RPS7: variants seen among roughly 807,000 people sequenced by gnomAD.
RPS7 encodes the protein ribosomal protein S7.
In RPS7, 1 loss-of-function variant was observed where a neutral mutation model predicts 22.1. The ratio of observed to expected loss-of-function variants is 0.05; its 90% CI spans 0.02 to 0.21. The LOEUF is 0.21. Among genes scored for constraint, RPS7 ranks in the 10% least tolerant of loss-of-function variants. The pLI, the probability that RPS7 is intolerant of heterozygous loss-of-function variation, is 1.00. For missense variants in RPS7, 137 were observed against 246.4 expected (o/e 0.56, Z 2.97); for synonymous variants, 80 against 92.0 (o/e 0.87, Z 0.74).
intron 4 of RPS7, chr2:3,577,023 C>T: frequency 3.4e-6 from 1 of 292,486 alleles, no homozygotes; most frequent in South Asian, 3.2e-5. Context: ...GGGTTGCTTA[C>T]ATAGATGATC....
chr2:3,577,610 C>T (rs1239327820), intron 4 of RPS7, 100 bp from the exon 5 acceptor site: 3 of 859,548 alleles, frequency 3.5e-6, no homozygotes, highest in South Asian at 1.4e-5. Flanking sequence ...TTGAACTTAC[C>T]CTGCCATTCT....
At chr2:3,580,512 A>G (rs1661380837) in intron 6 of RPS7, 5 of 634,150 alleles carry the variant, frequency 7.9e-6, no homozygotes, top group East Asian at 5.4e-5. Context: ...GTTAGGCTGT[A>G]TATTCTTGGT....
intron 4 of RPS7, chr2:3,577,373 T>C (rs1661304194): frequency 3.8e-6 from 1 of 264,414 alleles, no homozygotes; most frequent in Admixed American, 5.0e-5. Context: ...GGATGGGGGA[T>C]TGGTGCAAAC....
intron 1 of RPS7, 109 bp downstream of exon 1, chr2:3,575,459 A>G (rs1476283866): frequency 1.3e-5 from 9 of 669,772 alleles, no homozygotes; most frequent in Non-Finnish European, 2.1e-5. Flanking sequence ...GTGGGGATAC[A>G]GCCGATTACC....
At chr2:3,575,722 C>T (rs1558471927) in intron 2 of RPS7, 38 bp downstream of exon 2, 3 of 1,598,046 alleles carry the variant, frequency 1.9e-6, no homozygotes, top group Non-Finnish European at 2.6e-6. Context: ...TGGGGGGAGG[C>T]GCCCCGCCCG....
At chr2:3,577,406 G>C in intron 4 of RPS7, 1 of 375,690 alleles carries the variant, frequency 2.7e-6, no homozygotes. Context: ...GGAATGAAGT[G>C]CCAGGATTGA....
At chr2:3,575,449 G>T (rs1008229826) in intron 1 of RPS7, 99 bp downstream of exon 1, 5 of 650,546 alleles carry the variant, frequency 7.7e-6, no homozygotes, top group African/African-American at 1.8e-5. Flanking sequence ...TGCTCACAGG[G>T]TGGGGATACA....
intron 5 of RPS7, 197 bp from the exon 6 acceptor site, chr2:3,579,913 A>G: frequency 9.7e-6 from 6 of 616,714 alleles, no homozygotes; most frequent in Non-Finnish European, 1.4e-5. Flanking sequence ...ATAAATCAGT[A>G]AGCTATTACC....
At position 3,575,675 on chromosome 2, in the gene RPS7, C is replaced by T. The variant is rs773617808; in HGVS notation, c.66C>T (p.Gly22=). 11 of 1,590,508 alleles carry T rather than the reference C, an allele frequency of 6.9e-6. No homozygotes were observed. The highest frequency in any genetic ancestry group is 9.5e-6 in the Non-Finnish European group (11 of 1,161,602). Residue 22 remains glycine, a synonymous_variant, in exon 2 of 7, where the codon GGC becomes GGT. Transcript: ENST00000645674. ...AGAAGCCGGACGAGTTCGAGTCCGGCATCTCCCAGGTGAGAGGGTTTCCCT... is the reference window on the plus strand; with the variant it reads ...AGAAGCCGGACGAGTTCGAGTCCGGTATCTCCCAGGTGAGAGGGTTTCCCT... ...NGEKPDEFES[G]ISQALLELEM...
Position 3,575,582 on chromosome 2 carries a change from G to T in RPS7, c.-18-10G>T, listed in dbSNP as rs760112038. The T allele has an allele frequency of 5.6e-6, 9 of 1,600,900 alleles. No individual in the cohort carries two copies. The highest frequency in any genetic ancestry group is 2.6e-6 in the Non-Finnish European group (3 of 1,170,586). ...CCCGGGCCGCGTAACGCTGACCGCT[G>T]TGCCTTCAGTTCTCCCAGGAGAAAG... On this transcript the variant is annotated splice_polypyrimidine_tract_variant and intron_variant, in intron 1 of 6. Coordinates refer to ENST00000645674, the MANE Select transcript of RPS7 (RefSeq NM_001011.4).
intron 4 of RPS7, 150 bp downstream of exon 4, chr2:3,576,780 C>A: frequency 9.9e-7 from 1 of 1,008,998 alleles, no homozygotes; most frequent in Non-Finnish European, 1.6e-6. Flanking sequence ...AGCGCCGTGG[C>A]TTAGGCCTGT....
At position 3,575,951 on chromosome 2, in the gene RPS7, G is replaced by A. The variant is rs11683831; in HGVS notation, c.147+63G>A. On this transcript the variant is annotated intron_variant, in intron 3 of 6. Coordinates refer to ENST00000645674, the MANE Select transcript of RPS7 (RefSeq NM_001011.4). ...GCGCGTCTCCCCGCGCAGTGCCTGA[G>A]AGGGTTGGACCTGGGTTACGGTTGA... 4,504 of 1,162,392 alleles carry A rather than the reference G, an allele frequency of 3.9e-3. 123 individuals carry two copies. The African/African-American group carries it at 0.057, about 15-fold the overall frequency. 72.0% of individuals were successfully genotyped at this position (1,162,392 alleles called of 1,614,324 possible). A position where few individuals can be genotyped will look rare whatever the true frequency, so the allele number is the denominator to read the frequency against.
Position 3,577,907 on chromosome 2 carries a change from G to A in RPS7, c.356+133G>A. On this transcript the variant is annotated intron_variant, in intron 5 of 6. Transcript: ENST00000645674. ...GTAGCAGCATTTGGTTTCCTGTATA[G>A]TTGCACATGATACGTTTTAGAATTC... 2 of 675,934 alleles carry A rather than the reference G, an allele frequency of 3.0e-6. 1 individual carries two copies. 41.9% of individuals were successfully genotyped at this position (675,934 alleles called of 1,614,324 possible).
At chr2:3,578,598 C>T (rs1428916341) in intron 5 of RPS7, 3 of 151,928 alleles carry the variant, frequency 2.0e-5, no homozygotes, top group South Asian at 2.1e-4. Context: ...GTTATTGTGT[C>T]GAGCTGTGGT....
In RPS7 at chr2:3,575,908, G is replaced by T. The variant is rs762863264; in HGVS notation, c.147+20G>T. On this transcript the variant is annotated intron_variant, in intron 3 of 6. Coordinates refer to ENST00000645674, the MANE Select transcript of RPS7 (RefSeq NM_001011.4). ...GCTAAGGTAAGCTGGCGCTCCCTCG[G>T]CTGGGAGGGAGGTTGCGGCGCGTCT... is the stretch of plus-strand genomic sequence containing the variant. 1.3e-6 allele frequency: 2 copies of T among 1,571,132 alleles called. No individual in the cohort carries two copies. Among genetic ancestry groups the T allele is most frequent in the Middle Eastern group, 2.3e-4 (1 of 4,370 alleles).
At position 3,576,461 on chromosome 2, in the gene RPS7, C is replaced by A. The variant is rs62106034; in HGVS notation, c.148-26C>A. 0.069 allele frequency: 111,343 copies of A among 1,606,820 alleles called. 4,130 individuals carry two copies. Among genetic ancestry groups the A allele is most frequent in the South Asian group, 0.093 (8,464 of 90,920 alleles). On this transcript the variant is annotated intron_variant, in intron 3 of 6. Coordinates refer to ENST00000645674, the MANE Select transcript of RPS7 (RefSeq NM_001011.4). Reference sequence around the variant, plus strand: ...CGTTTACTTTCTGAAGCAGTTAACACAGTGGATTTTTGTTTTTTTCTTTAG... The same window carrying A: ...CGTTTACTTTCTGAAGCAGTTAACAAAGTGGATTTTTGTTTTTTTCTTTAG...
chr2:3,580,649 G>T, intron 6 of RPS7, 156 bp from the exon 7 acceptor site: 1 of 671,710 alleles, frequency 1.5e-6, no homozygotes, highest in Non-Finnish European at 2.7e-6. Flanking sequence ...CATTGGAGAA[G>T]AGCTTGTCCC....
At position 3,580,903 on chromosome 2, in the gene RPS7, A is replaced by T; in HGVS notation, c.*21A>T. On this transcript the variant is annotated 3_prime_UTR_variant, in exon 7 of 7. Coordinates refer to ENST00000645674, the MANE Select transcript of RPS7 (RefSeq NM_001011.4). ...TGTAAACAAAAATGACTAAATAAAA[A>T]GTATATATTCACAGTACTCTGTTTC... 1 of 1,320,978 alleles carries T rather than the reference A, an allele frequency of 7.6e-7. No homozygotes were observed. The highest frequency in any genetic ancestry group is 1.1e-6 in the Non-Finnish European group (1 of 921,550). 81.8% of individuals were successfully genotyped at this position (1,320,978 alleles called of 1,614,324 possible). A position where few individuals can be genotyped will look rare whatever the true frequency, so the allele number is the denominator to read the frequency against.
In RPS7 at chr2:3,577,729, C is replaced by A; in HGVS notation, c.311C>A (p.Pro104Gln). The change falls in exon 5 of 7, where the codon CCA (proline) becomes CAA (glutamine). Residue 104 changes from proline to glutamine, a missense_variant. Around this residue, in one of 2 missense-constraint regions of RPS7, gnomAD observed 74 missense variants for 171.4 expected, o/e 0.43. Transcript: ENST00000645674. Reference protein sequence around the residue: ...FIAQRRILPKPTRKSRTKNKQ... With the variant: ...FIAQRRILPKQTRKSRTKNKQ... ...TTACAGAGGAGAATTCTGCCTAAGCCAACTCGAAAAAGCCGTACAAAAAAT... is the reference window on the plus strand; with the variant it reads ...TTACAGAGGAGAATTCTGCCTAAGCAAACTCGAAAAAGCCGTACAAAAAAT... 1 of 1,612,532 alleles carries A rather than the reference C, an allele frequency of 6.2e-7. No individual in the cohort carries two copies. Among genetic ancestry groups the A allele is most frequent in the South Asian group, 1.1e-5 (1 of 90,980 alleles).
Sources: gnomAD v4.1 joint callset for allele counts on GRCh38, gnomAD v4.1.1 for gene constraint, gnomAD v4.1.1 regional missense constraint, MANE v1.5 for transcripts, NCBI Gene and HGNC (gene_info 2026-07-23, HGNC 2026-07-21) for gene names.